Variants in SYT2 observed in about 807,000 individuals in gnomAD.
SYT2 encodes the protein synaptotagmin-2.
Under a neutral mutation model 39.9 loss-of-function variants are expected in SYT2, and 15 were observed. The ratio of observed to expected loss-of-function variants is 0.38; its 90% CI spans 0.25 to 0.58. The LOEUF is 0.58. SYT2 is among the 20% of genes least tolerant of loss of function. The pLI is 0.70. For synonymous variants in SYT2, 181 were observed against 204.5 expected, an observed-to-expected ratio of 0.89 and a Z score of 0.98; for missense variants, 389 against 530.3, an observed-to-expected ratio of 0.73 and a Z score of 2.62.
chr1:202,659,602 G>T (rs540424225), intron 1 of SYT2, among the ~76,000 whole-genome samples: 1 of 152,202 alleles, frequency 6.6e-6, no homozygotes, highest in Admixed American at 6.5e-5. Flanking sequence ...TGCAGTCTCC[G>T]TCCTGGCTCT....
In SYT2 at chr1:202,628,389, G is replaced by A. The variant is rs1414797828; in HGVS notation, c.-17-22600C>T. Among the ~76,000 whole-genome samples, 1 of 152,122 alleles carries A rather than the reference G, an allele frequency of 6.6e-6. No individual in the cohort carries two copies. Among genetic ancestry groups the A allele is most frequent in the African/African-American group, 2.4e-5 (1 of 41,416 alleles). ...TGGGAGCTGGGAGCCAGCATCCCAG[G>A]CAGGGAGCCAGCCAAAGAAGGTGCA... On this transcript the variant is annotated intron_variant, in intron 1 of 8. Coordinates refer to ENST00000367268, the MANE Select transcript of SYT2 (RefSeq NM_177402.5). The surrounding 1 kb of genome is among the most constrained non-coding windows in gnomAD (Gnocchi z 4.2).
chr1:202,632,613 C>T, intron 1 of SYT2: 1 of 984,676 alleles, frequency 1.0e-6, no homozygotes, highest in South Asian at 4.7e-5. Context: ...ACCCAACAGG[C>T]TCGACTCTTC....
chr1:202,653,801 C>T (rs1314995662), intron 1 of SYT2, among the ~76,000 whole-genome samples: 2 of 152,224 alleles, frequency 1.3e-5, no homozygotes, highest in African/African-American at 2.4e-5. Flanking sequence ...TTCTGCACCT[C>T]TTCTTTTCTT....
Position 202,603,100 on chromosome 1 carries a change from T to A in SYT2, c.364A>T (p.Thr122Ser). Residue 122 changes from threonine (T) to serine (S), a missense_variant, in exon 4 of 9, where the codon ACA becomes TCA. This residue lies in a region of SYT2 where 280 missense variants were observed against 335.6 expected (regional missense o/e 0.83). Transcript: ENST00000367268. ...KGGQDDDDAE[T>S]GLTEGEGEGE... Reference sequence around the variant, plus strand: ...TCACCTTCCCCCTCAGTCAGGCCTGTCTCTGCGTCGTCGTCATCCTGTGGG... The same window carrying A: ...TCACCTTCCCCCTCAGTCAGGCCTGACTCTGCGTCGTCGTCATCCTGTGGG... 2 of 1,613,944 alleles carry A rather than the reference T, an allele frequency of 1.2e-6. No homozygotes were observed. The highest frequency in any genetic ancestry group is 1.7e-6 in the Non-Finnish European group (2 of 1,179,960).
chr1:202,664,994 G>T (rs901101850), intron 1 of SYT2, among the ~76,000 whole-genome samples: 1 of 152,162 alleles, frequency 6.6e-6, no homozygotes, highest in African/African-American at 2.4e-5. Context: ...CATTCATGTC[G>T]TTACAGGTAA....
intron 1 of SYT2, among the ~76,000 whole-genome samples, chr1:202,667,602 C>G (rs1692505104): frequency 6.6e-6 from 1 of 151,718 alleles, no homozygotes; most frequent in Non-Finnish European, 1.5e-5. Context: ...TATGTGTAAC[C>G]ATGAAGATTA....
intron 1 of SYT2, among the ~76,000 whole-genome samples, chr1:202,630,149 T>G (rs1269500373): frequency 2.0e-5 from 3 of 152,130 alleles, no homozygotes; most frequent in Non-Finnish European, 4.4e-5. Flanking sequence ...GGGACAGGGA[T>G]CCTTCTGGGG....
At chr1:202,698,217 A>C (rs554452213) in intron 1 of SYT2, among the ~76,000 whole-genome samples, 100 of 152,310 alleles carry the variant, frequency 6.6e-4, no homozygotes, top group African/African-American at 2.4e-3. Context: ...TGCCTGGTCT[A>C]AAATGGGTGC....
At chr1:202,683,740 T>TAAA (rs36091072) in intron 1 of SYT2, among the ~76,000 whole-genome samples, 2,488 of 132,532 alleles carry the variant, frequency 0.019, 38 homozygotes, top group Middle Eastern at 0.039. Context: ...AGACCCTGTT[T>TAAA]AAAAAAAAAA....
chr1:202,663,069 T>C (rs1027919353), intron 1 of SYT2, among the ~76,000 whole-genome samples: 1 of 151,078 alleles, frequency 6.6e-6, no homozygotes, highest in African/African-American at 2.4e-5. Context: ...AGTCCTCTTT[T>C]CTGGAAGTTT....
At chr1:202,602,643 A>G (rs1690550878) in intron 4 of SYT2, 98 bp from the exon 5 acceptor site, 8 of 1,265,576 alleles carry the variant, frequency 6.3e-6, no homozygotes, top group Non-Finnish European at 4.4e-6. Flanking sequence ...GTCCCAGAGG[A>G]GGCAGTTGGG....
At chr1:202,669,272 C>A (rs1692537598) in intron 1 of SYT2, among the ~76,000 whole-genome samples, 1 of 152,116 alleles carries the variant, frequency 6.6e-6, no homozygotes, top group Non-Finnish European at 1.5e-5. Context: ...GTAATCCCAG[C>A]ACTTTGGGAG....
At position 202,601,183 on chromosome 1, in the gene SYT2, T is replaced by G. The variant is rs1362043467; in HGVS notation, c.801+707A>C. ...CTAATTCCTAAGGCCAACACCACAC[T>G]GCAGAGTCAAAGCTGCTCAAAGTCA... On this transcript the variant is annotated intron_variant, in intron 6 of 8. Transcript: ENST00000367268. This position sits in a 1 kb window ranked among gnomAD's most constrained non-coding sequence, Gnocchi z 4.0. Among the ~76,000 whole-genome samples, 2 of 152,164 alleles carry G rather than the reference T, an allele frequency of 1.3e-5. No homozygotes were observed. The highest frequency in any genetic ancestry group is 2.9e-5 in the Non-Finnish European group (2 of 68,030).
intron 1 of SYT2, among the ~76,000 whole-genome samples, chr1:202,630,667 T>G (rs1691559202): frequency 6.6e-6 from 1 of 152,164 alleles, no homozygotes; most frequent in Admixed American, 6.5e-5. Flanking sequence ...AACACACCCC[T>G]GGCTCCAGAG....
chr1:202,652,679 G>C (rs1692214167), intron 1 of SYT2, among the ~76,000 whole-genome samples: 2 of 152,200 alleles, frequency 1.3e-5, no homozygotes, highest in Non-Finnish European at 1.5e-5. Context: ...AGCTATCCTG[G>C]GAGGGGGCCG....
At chr1:202,639,594 C>T (rs1691843919) in intron 1 of SYT2, 4 of 985,364 alleles carry the variant, frequency 4.1e-6, no homozygotes, top group Non-Finnish European at 4.8e-6. Context: ...CTGCATCTCA[C>T]AGCCTTTCCT....
chr1:202,607,263 G>T (rs1404176905), intron 1 of SYT2, among the ~76,000 whole-genome samples: 1 of 152,184 alleles, frequency 6.6e-6, no homozygotes, highest in South Asian at 2.1e-4. Context: ...CTGGGTATTT[G>T]TTGACTGGGC....
chr1:202,699,622 A>G (rs1654062441), intron 1 of SYT2, among the ~76,000 whole-genome samples: 1 of 152,242 alleles, frequency 6.6e-6, no homozygotes, highest in South Asian at 2.1e-4. Context: ...TAGCTGTATA[A>G]TGTTGTAAAT....
chr1:202,668,558 T>A (rs552037129), intron 1 of SYT2, among the ~76,000 whole-genome samples: 1 of 152,208 alleles, frequency 6.6e-6, no homozygotes, highest in Non-Finnish European at 1.5e-5. Flanking sequence ...GAGAACATAA[T>A]GACAACATTC....
Sources: allele counts gnomAD v4.1 joint callset (sites outside exome capture counted in the v4.1 genomes callset), GRCh38; gene constraint gnomAD v4.1.1; regional missense constraint gnomAD v4.1.1; non-coding constraint Gnocchi (gnomAD v3.1); transcripts MANE v1.5; gene names NCBI Gene and HGNC (gene_info 2026-07-23, HGNC 2026-07-21).